The following FCRL5 variants were observed in gnomAD, a reference collection of about 807,000 sequenced individuals.
FCRL5 encodes Fc receptor-like protein 5.
Under a neutral mutation model 92.1 loss-of-function variants are expected in FCRL5, and 79 were observed. That is an observed-to-expected ratio of 0.86 (90% confidence interval 0.72 to 1.03). The LOEUF is 1.03. Among genes scored for constraint, FCRL5 ranks in the 50% least tolerant of loss-of-function variants. FCRL5 has a pLI of 0.00. For synonymous variants in FCRL5, 466 were observed against 469.3 expected, an observed-to-expected ratio of 0.99 and a Z score of 0.09; for missense variants, 1,160 against 1,181.1, an observed-to-expected ratio of 0.98 and a Z score of 0.26.
At chr1:157,540,669 C>T (rs1175397651) in intron 6 of FCRL5, among the ~76,000 whole-genome samples, 5 of 152,150 alleles carry the variant, frequency 3.3e-5, no homozygotes, top group Non-Finnish European at 5.9e-5. Flanking sequence ...TATCTCATAT[C>T]TCATATGCAT....
chr1:157,540,997 C>A (rs1417557854), intron 6 of FCRL5, among the ~76,000 whole-genome samples: 2 of 152,190 alleles, frequency 1.3e-5, no homozygotes, highest in African/African-American at 2.4e-5. Flanking sequence ...GAAGAGGCAG[C>A]AGTCAAACCC....
intron 7 of FCRL5, 104 bp from the exon 8 acceptor site, chr1:157,534,996 C>G: frequency 9.1e-7 from 1 of 1,096,292 alleles, no homozygotes; most frequent in South Asian, 2.1e-5. Context: ...GATCTCTAGA[C>G]TTCACCTACC....
At chr1:157,518,803 A>G (rs1488416970) in intron 13 of FCRL5, 21 bp from the exon 14 acceptor site, 1 of 1,590,268 alleles carries the variant, frequency 6.3e-7, no homozygotes, top group East Asian at 2.2e-5. Flanking sequence ...GAGAAATGTG[A>G]ATGTTTCTTA....
In FCRL5 at chr1:157,521,230, G is replaced by A. The variant is rs780580169; in HGVS notation, c.2302C>T (p.Leu768=). Residue 768 remains leucine, a synonymous_variant, in exon 11 of 17, where the codon CTG becomes TTG. Transcript: ENST00000361835. ...APGTHAAVGD[L]LELHCEALRG... ...AGGGCCTCACAGTGAAGCTCCAGCA[G>A]GTCCCCCACCGCAGCATGGGTCCCG... 4 of 1,614,168 alleles carry A rather than the reference G, an allele frequency of 2.5e-6. No homozygotes were observed. The South Asian group carries it at 4.4e-5, about 18-fold the overall frequency.
At chr1:157,545,522 G>GTTTTTTTTTT (rs754972248) in intron 3 of FCRL5, among the ~76,000 whole-genome samples, 8 of 84,942 alleles carry the variant, frequency 9.4e-5, no homozygotes, top group Admixed American at 1.5e-4. Context: ...TCTTTAATGA[G>GTTTTTTTTTT]TTTTTTTTTT....
chr1:157,550,425 T>G (rs1651761889), intron 1 of FCRL5, among the ~76,000 whole-genome samples: 1 of 152,164 alleles, frequency 6.6e-6, no homozygotes, highest in Non-Finnish European at 1.5e-5. Context: ...GCTATACTCT[T>G]TTCATGAGAT....
At chr1:157,528,074 A>G in intron 8 of FCRL5, 179 bp from the exon 9 acceptor site, 1 of 627,974 alleles carries the variant, frequency 1.6e-6, no homozygotes, top group East Asian at 3.0e-5. Context: ...AACCCTAAAG[A>G]CTCATCCAAA....
chr1:157,549,699 A>T, intron 1 of FCRL5, 119 bp from the exon 2 acceptor site: 1 of 733,880 alleles, frequency 1.4e-6, no homozygotes. Flanking sequence ...TCATTTAAAA[A>T]CTCTAATAAT....
At chr1:157,516,375 C>CTA (rs1287007639) in intron 15 of FCRL5, among the ~76,000 whole-genome samples, 3 of 152,160 alleles carry the variant, frequency 2.0e-5, no homozygotes, top group Non-Finnish European at 4.4e-5. Context: ...TGTGGTGAAG[C>CTA]TATATGAGTT....
At chr1:157,523,908 G>T in intron 10 of FCRL5, 2 of 319,968 alleles carry the variant, frequency 6.3e-6, no homozygotes, top group Admixed American at 8.9e-5. Context: ...AGAAGTCAAT[G>T]AGAGAAGAAT....
rs3845586 is a variant in FCRL5, at chr1:157,514,663, G to A, written c.*1012C>T. 78,623 of 152,160 alleles carry A rather than the reference G, an allele frequency of 0.52. 23,860 individuals carry two copies. Among genetic ancestry groups the A allele is most frequent in the East Asian group, 0.81 (4,174 of 5,166 alleles). 9.4% of individuals were successfully genotyped at this position (152,160 alleles called of 1,614,324 possible). A position where few individuals can be genotyped will look rare whatever the true frequency, so the allele number is the denominator to read the frequency against. ...TTAGAATGGCAGTCTCAGGCTCTAC[G>A]CAGACCCACTGAATCAGTATCTGTA... is the stretch of plus-strand genomic sequence containing the variant. On this transcript the variant is annotated 3_prime_UTR_variant, in exon 17 of 17. Coordinates refer to ENST00000361835, the MANE Select transcript of FCRL5 (RefSeq NM_031281.3).
At chr1:157,527,931 T>G in intron 8 of FCRL5, 36 bp from the exon 9 acceptor site, 1 of 1,508,980 alleles carries the variant, frequency 6.6e-7, no homozygotes. Flanking sequence ...ACATGTATTT[T>G]TAAAATTAGA....
chr1:157,544,376 T>G lies in FCRL5; in HGVS notation c.730A>C (p.Asn244His), dbSNP rs1337030090. Residue 244 changes from asparagine to histidine, a missense_variant, in exon 5 of 17, where the codon AAT (asparagine) becomes CAT (histidine). Transcript: ENST00000361835. ...CTCCACATGGCAGTAATCTGGAAAT[T>G]CGGGGAGAGACTCCAGCCTAATCCC... is the stretch of plus-strand genomic sequence containing the variant. ...TLGLGWSLSPNFQITAMWSKD... is the reference protein window; with the variant it reads ...TLGLGWSLSPHFQITAMWSKD... The G allele has an allele frequency of 6.2e-7, 1 of 1,614,132 alleles. No homozygotes were observed. The highest frequency in any genetic ancestry group is 8.5e-7 in the Non-Finnish European group (1 of 1,180,028).
chr1:157,530,270 C>T (rs533467704), intron 8 of FCRL5, among the ~76,000 whole-genome samples: 1 of 152,278 alleles, frequency 6.6e-6, no homozygotes, highest in African/African-American at 2.4e-5. Flanking sequence ...ACATCACTAA[C>T]TTTTAAAACT....
chr1:157,542,428 T>C (rs1188693154), intron 6 of FCRL5: 2 of 158,496 alleles, frequency 1.3e-5, no homozygotes, highest in African/African-American at 4.8e-5. Context: ...CGACTTGTCT[T>C]TGTGTCTTAC....
rs761744976 is a variant in FCRL5, at chr1:157,544,437, C to G, written c.669G>C (p.Pro223=). 2 of 1,614,208 alleles carry G rather than the reference C, an allele frequency of 1.2e-6. No homozygotes were observed. Among genetic ancestry groups the G allele is most frequent in the Admixed American group, 1.7e-5 (1 of 60,022 alleles). ...CATCTCTGAAGAAGCGGAACCGGAG[C>G]GGGACATCTGACCTCTCTAGAGAGA... The part of the protein sequence containing the change: ...TQLSLERSDV[P]LRFRFFRDDQ... Residue 223 remains proline, a synonymous_variant, in exon 5 of 17, where the codon CCG becomes CCC. Coordinates refer to ENST00000361835, the MANE Select transcript of FCRL5 (RefSeq NM_031281.3).
chr1:157,537,696 G>A (rs1235791788), intron 7 of FCRL5, among the ~76,000 whole-genome samples: 1 of 152,146 alleles, frequency 6.6e-6, no homozygotes, highest in African/African-American at 2.4e-5. Flanking sequence ...CTGCCGACAT[G>A]TGATGTCGCC....
intron 8 of FCRL5, among the ~76,000 whole-genome samples, chr1:157,531,026 A>G (rs1309477110): frequency 1.3e-5 from 2 of 152,240 alleles, no homozygotes; most frequent in Non-Finnish European, 2.9e-5. Context: ...GAAACAATTA[A>G]CAGAGTAAAA....
chr1:157,521,386 C>G (rs963244997), intron 10 of FCRL5, 94 bp from the exon 11 acceptor site: 6 of 1,382,932 alleles, frequency 4.3e-6, no homozygotes, highest in African/African-American at 1.5e-5. Context: ...AGTCATATCT[C>G]AATCTTGGAA....
Sources: allele counts gnomAD v4.1 joint callset (sites outside exome capture counted in the v4.1 genomes callset), GRCh38; gene constraint gnomAD v4.1.1; transcripts MANE v1.5; gene names NCBI Gene and HGNC (gene_info 2026-07-23, HGNC 2026-07-21).